Variants in B3GALT1 observed in about 807,000 individuals in gnomAD.
The protein encoded by B3GALT1 is UDP-Gal:betaGlcNAc beta 1,3-galactosyltransferase, polypeptide 1.
A neutral mutation model predicts 23.2 loss-of-function variants in B3GALT1; 10 were observed. That is an observed-to-expected ratio of 0.43 (90% CI 0.27 to 0.73). B3GALT1 has a LOEUF of 0.73. Among genes scored for constraint, B3GALT1 ranks in the 30% least tolerant of loss-of-function variants. The probability of loss-of-function intolerance (pLI) is 0.21; values close to 1 mark genes in which losing one functional copy is unlikely to be tolerated. For missense variants in B3GALT1, 299 were observed against 405.4 expected (o/e 0.74, Z 2.25); for synonymous variants, 156 against 141.5 (o/e 1.10, Z -0.73).
chr2:167,740,841 A>C (rs1026830215), intron 3 of B3GALT1, among the ~76,000 whole-genome samples: 2 of 152,132 alleles, frequency 1.3e-5, no homozygotes, highest in African/African-American at 4.8e-5. Flanking sequence ...CCCACTATAC[A>C]ACCAACCACA....
intron 1 of B3GALT1, among the ~76,000 whole-genome samples, chr2:167,334,657 A>T (rs1392973062): frequency 1.3e-5 from 2 of 152,192 alleles, no homozygotes; most frequent in Non-Finnish European, 1.5e-5. Context: ...TTCTTCCTTA[A>T]GGAAAAGGAA....
intron 3 of B3GALT1, chr2:167,815,108 C>G (rs1032316265): frequency 3.3e-5 from 5 of 152,252 alleles, no homozygotes; most frequent in African/African-American, 1.2e-4. Flanking sequence ...GTGACTGCAT[C>G]AAGGTTCAGA....
At chr2:167,653,586 A>G (rs906351932) in intron 3 of B3GALT1, among the ~76,000 whole-genome samples, 3 of 152,320 alleles carry the variant, frequency 2.0e-5, no homozygotes, top group Non-Finnish European at 2.9e-5. Flanking sequence ...TTAGAGGTCA[A>G]CAGGCTCAAC....
chr2:167,863,942 G>C (rs1690156056), intron 4 of B3GALT1, among the ~76,000 whole-genome samples: 1 of 151,468 alleles, frequency 6.6e-6, no homozygotes, highest in South Asian at 2.1e-4. Flanking sequence ...GAAGACAACA[G>C]GAAAAAAGGT....
At chr2:167,564,786 A>G (rs1168527885) in intron 2 of B3GALT1, among the ~76,000 whole-genome samples, 1 of 152,348 alleles carries the variant, frequency 6.6e-6, no homozygotes, top group East Asian at 1.9e-4. Context: ...ATACCTAGGA[A>G]TCCCACTTAC....
chr2:167,393,062 G>A (rs1041594807), intron 1 of B3GALT1, among the ~76,000 whole-genome samples: 6 of 151,858 alleles, frequency 4.0e-5, no homozygotes, highest in South Asian at 2.1e-4. Flanking sequence ...GTGAAACCCC[G>A]TCTCTACTAA....
chr2:167,559,910 A>G (rs1031235953), intron 2 of B3GALT1, among the ~76,000 whole-genome samples: 1 of 152,234 alleles, frequency 6.6e-6, no homozygotes, highest in Non-Finnish European at 1.5e-5. Flanking sequence ...AACTTCCCCA[A>G]TCTAGCAAGG....
At chr2:167,661,415 T>C (rs1686058526) in intron 3 of B3GALT1, among the ~76,000 whole-genome samples, 1 of 152,030 alleles carries the variant, frequency 6.6e-6, no homozygotes, top group Non-Finnish European at 1.5e-5. Context: ...GCTGATTTCT[T>C]CAAACTGATG....
At chr2:167,713,749 G>C in intron 3 of B3GALT1, 1 of 1,581,810 alleles carries the variant, frequency 6.3e-7, no homozygotes, top group South Asian at 1.1e-5. Flanking sequence ...TTCAGAATGT[G>C]GGGTTGGGGT....
chr2:167,506,595 T>G (rs1238297), intron 2 of B3GALT1, among the ~76,000 whole-genome samples: 7,108 of 152,276 alleles, frequency 0.047, 554 homozygotes, highest in African/African-American at 0.16. Context: ...ATATACTCAG[T>G]CATTCAGGCA....
At chr2:167,619,692 G>C (rs1241408668) in intron 2 of B3GALT1, among the ~76,000 whole-genome samples, 1 of 152,058 alleles carries the variant, frequency 6.6e-6, no homozygotes, top group Non-Finnish European at 1.5e-5. Context: ...TATATGCAAA[G>C]GTCCCAATAT....
At chr2:167,566,805 T>G (rs557196249) in intron 2 of B3GALT1, among the ~76,000 whole-genome samples, 24 of 152,162 alleles carry the variant, frequency 1.6e-4, no homozygotes, top group South Asian at 4.1e-4. Context: ...TAAAAGGCAG[T>G]GTCAGTGACT....
At chr2:167,374,101 G>A (rs1463859738) in intron 1 of B3GALT1, among the ~76,000 whole-genome samples, 1 of 152,144 alleles carries the variant, frequency 6.6e-6, no homozygotes, top group Non-Finnish European at 1.5e-5. Flanking sequence ...CTTTTCAAGT[G>A]AGAACATGCA....
Position 167,688,134 on chromosome 2 carries a change from A to G in B3GALT1, c.-352+41168A>G, listed in dbSNP as rs573436482. On this transcript the variant is annotated intron_variant, in intron 3 of 4. Transcript: ENST00000392690. ...TAAAAATCTGGCTTTGATATCAGAT[A>G]CACTTGGATTCTAGACTCAGCTCTC... Among the ~76,000 whole-genome samples, 3 of 152,270 alleles carry G rather than the reference A, an allele frequency of 2.0e-5. No individual in the cohort carries two copies. In the East Asian group the frequency reaches 5.8e-4, roughly 29 times the overall value.
chr2:167,535,978 C>T (rs917826305), intron 2 of B3GALT1, among the ~76,000 whole-genome samples: 2 of 152,138 alleles, frequency 1.3e-5, no homozygotes, highest in African/African-American at 2.4e-5. Flanking sequence ...GGCTGGAGTG[C>T]AGTGGCGTGA....
At chr2:167,821,266 G>T (rs1304098970) in intron 4 of B3GALT1, among the ~76,000 whole-genome samples, 1 of 151,920 alleles carries the variant, frequency 6.6e-6, no homozygotes, top group Non-Finnish European at 1.5e-5. Context: ...ACTTTTATGG[G>T]ACTCATCATA....
intron 1 of B3GALT1, among the ~76,000 whole-genome samples, chr2:167,387,223 A>G (rs1434283129): frequency 1.3e-5 from 2 of 152,228 alleles, no homozygotes; most frequent in Non-Finnish European, 1.5e-5. Context: ...CAGATTTATG[A>G]CACTGCTAGA....
chr2:167,340,866 CAAT>C (rs1346891465), intron 1 of B3GALT1, among the ~76,000 whole-genome samples: 2 of 152,162 alleles, frequency 1.3e-5, no homozygotes, highest in East Asian at 3.9e-4. Flanking sequence ...AACAGGCACT[CAAT>C]GAGTCAGTTT....
chr2:167,541,848 T>C (rs1683538291), intron 2 of B3GALT1, among the ~76,000 whole-genome samples: 1 of 151,874 alleles, frequency 6.6e-6, no homozygotes. Flanking sequence ...ACATGACCCA[T>C]TCCCATGAAA....
Sources: allele counts gnomAD v4.1 joint callset (sites outside exome capture counted in the v4.1 genomes callset), GRCh38; gene constraint gnomAD v4.1.1; transcripts MANE v1.5; gene names NCBI Gene and HGNC (gene_info 2026-07-23, HGNC 2026-07-21).